The following GRIA4 variants were observed in gnomAD, a reference collection of about 807,000 sequenced individuals.
GRIA4 encodes glutamate ionotropic receptor AMPA type subunit 4.
GRIA4 carries 34 observed loss-of-function variants against 104.0 expected under a neutral mutation model. The observed-to-expected ratio is 0.33, with a 90% CI of 0.25 to 0.44. The LOEUF (loss-of-function observed/expected upper bound fraction) is 0.44. Among genes scored for constraint, GRIA4 ranks in the 20% least tolerant of loss-of-function variants. The pLI is 1.00. For missense variants in GRIA4, 750 were observed against 1,096.5 expected, an observed-to-expected ratio of 0.68 and a Z score of 4.46; for synonymous variants, 386 against 381.9, an observed-to-expected ratio of 1.01 and a Z score of -0.13.
chr11:105,979,839 C>A lies in GRIA4; in HGVS notation c.*100C>A. The A allele has an allele frequency of 1.2e-6, 1 of 836,318 alleles. No individual in the cohort carries two copies. Among genetic ancestry groups the A allele is most frequent in the Non-Finnish European group, 1.9e-6 (1 of 534,494 alleles). 51.8% of individuals were successfully genotyped at this position (836,318 alleles called of 1,614,324 possible). A position where few individuals can be genotyped will look rare whatever the true frequency, so the allele number is the denominator to read the frequency against. ...ACGCGCGGGTCTTTGCTAAACCAATCCTTTGGCTGAGAGCGGGAAGTCCGT... is the reference window on the plus strand; with the variant it reads ...ACGCGCGGGTCTTTGCTAAACCAATACTTTGGCTGAGAGCGGGAAGTCCGT... On this transcript the variant is annotated 3_prime_UTR_variant, in exon 17 of 17. Coordinates refer to ENST00000282499, the MANE Select transcript of GRIA4 (RefSeq NM_000829.4).
chr11:105,931,141 C>A (rs1947861801), intron 13 of GRIA4, among the ~76,000 whole-genome samples: 1 of 151,972 alleles, frequency 6.6e-6, no homozygotes, highest in African/African-American at 2.4e-5. Context: ...ACATGGCATT[C>A]CTAGTGGATT....
chr11:105,675,345 C>A (rs1952503387), intron 3 of GRIA4, among the ~76,000 whole-genome samples: 1 of 151,756 alleles, frequency 6.6e-6, no homozygotes, highest in East Asian at 1.9e-4. Context: ...TGAATTTCAT[C>A]AAAATTTATT....
chr11:105,735,808 A>C (rs569451379), intron 3 of GRIA4, among the ~76,000 whole-genome samples: 60 of 152,192 alleles, frequency 3.9e-4, no homozygotes, highest in Non-Finnish European at 7.3e-4. Flanking sequence ...TCTCCTTGGC[A>C]CTAGAAGGAT....
At chr11:105,742,068 T>C (rs1398259791) in intron 3 of GRIA4, among the ~76,000 whole-genome samples, 1 of 152,188 alleles carries the variant, frequency 6.6e-6, no homozygotes, top group Admixed American at 6.5e-5. Context: ...ATGGGGCGTT[T>C]ATCATGTGGC....
intron 14 of GRIA4, among the ~76,000 whole-genome samples, chr11:105,963,514 G>A (rs2136268263): frequency 1.3e-5 from 2 of 152,150 alleles, no homozygotes; most frequent in African/African-American, 4.8e-5. Flanking sequence ...TTAAAGAAAG[G>A]TAAATTTCAT....
chr11:105,665,134 T>A (rs970559205), intron 3 of GRIA4, among the ~76,000 whole-genome samples: 2 of 152,000 alleles, frequency 1.3e-5, no homozygotes, highest in African/African-American at 4.8e-5. Flanking sequence ...TACACTCTTA[T>A]GAAGAGTTTT....
chr11:105,892,363 A>G (rs1234759003), intron 6 of GRIA4, among the ~76,000 whole-genome samples: 1 of 152,188 alleles, frequency 6.6e-6, no homozygotes, highest in African/African-American at 2.4e-5. Flanking sequence ...TTTAATTTAC[A>G]TCTAGGAGAA....
intron 3 of GRIA4, among the ~76,000 whole-genome samples, chr11:105,683,482 T>A (rs1274405127): frequency 6.6e-6 from 1 of 152,120 alleles, no homozygotes; most frequent in Admixed American, 6.6e-5. Flanking sequence ...AATGCTTTTT[T>A]CAGTGTAAAA....
Position 105,620,841 on chromosome 11 carries a change from A to G in GRIA4, c.247+8407A>G, listed in dbSNP as rs376126243. ...GATTTCAGGATAACTGCAGATATTC[A>G]AAACTATTTTCCAGAATGCTTCATT... On this transcript the variant is annotated intron_variant, in intron 3 of 16. Transcript: ENST00000282499. Among the ~76,000 whole-genome samples the G allele has an allele frequency of 7.2e-5, 11 of 152,028 alleles. No individual in the cohort carries two copies. The East Asian group carries it at 2.1e-3, about 29-fold the overall frequency.
intron 7 of GRIA4, among the ~76,000 whole-genome samples, chr11:105,901,574 G>T (rs1306678251): frequency 6.6e-6 from 1 of 152,086 alleles, no homozygotes; most frequent in Non-Finnish European, 1.5e-5. Context: ...AAGACACATA[G>T]AAAAGAATTA....
chr11:105,826,548 C>T (rs1306922294), intron 4 of GRIA4, among the ~76,000 whole-genome samples: 1 of 152,044 alleles, frequency 6.6e-6, no homozygotes, highest in Non-Finnish European at 1.5e-5. Flanking sequence ...TGATAGATTG[C>T]AGGAGAAGCT....
intron 4 of GRIA4, among the ~76,000 whole-genome samples, chr11:105,834,670 G>A (rs372533458): frequency 6.7e-6 from 1 of 150,318 alleles, no homozygotes; most frequent in African/African-American, 2.4e-5. Flanking sequence ...GTTATTTAAA[G>A]AAGGTTTCAG....
At chr11:105,616,552 TATA>T (rs1950605817) in intron 3 of GRIA4, among the ~76,000 whole-genome samples, 1 of 151,684 alleles carries the variant, frequency 6.6e-6, no homozygotes, top group Admixed American at 6.6e-5. Flanking sequence ...TACTAAATAA[TATA>T]ATATTTTTTT....
At chr11:105,701,532 A>G (rs1169500361) in intron 3 of GRIA4, among the ~76,000 whole-genome samples, 3 of 152,060 alleles carry the variant, frequency 2.0e-5, no homozygotes, top group Non-Finnish European at 4.4e-5. Context: ...ATTGATCAAG[A>G]ATGCAATTCC....
At chr11:105,704,772 C>T (rs371359690) in intron 3 of GRIA4, among the ~76,000 whole-genome samples, 5 of 152,100 alleles carry the variant, frequency 3.3e-5, no homozygotes, top group African/African-American at 4.8e-5. Flanking sequence ...AAAGTAGACT[C>T]GAATAAGTGA....
intron 3 of GRIA4, among the ~76,000 whole-genome samples, chr11:105,733,690 T>A (rs1938746325): frequency 6.6e-6 from 1 of 152,060 alleles, no homozygotes; most frequent in African/African-American, 2.4e-5. Context: ...ACTCCTGACC[T>A]CATGATCCTC....
At chr11:105,881,513 C>A (rs1946057689) in intron 5 of GRIA4, among the ~76,000 whole-genome samples, 1 of 152,170 alleles carries the variant, frequency 6.6e-6, no homozygotes, top group African/African-American at 2.4e-5. Flanking sequence ...CTTATCCCAA[C>A]ATCTTTCACT....
chr11:105,709,218 G>A (rs975090996), intron 3 of GRIA4, among the ~76,000 whole-genome samples: 1 of 152,060 alleles, frequency 6.6e-6, no homozygotes. Context: ...TGGTCATAAT[G>A]TGTTATTACC....
chr11:105,815,293 A>C (rs567059059), intron 4 of GRIA4, among the ~76,000 whole-genome samples: 1 of 152,334 alleles, frequency 6.6e-6, no homozygotes, highest in Non-Finnish European at 1.5e-5. Flanking sequence ...TTCTGGAAGT[A>C]CATTCATCCA....
Sources: gnomAD v4.1 joint callset for allele counts (sites outside exome capture counted in the v4.1 genomes callset) on GRCh38, gnomAD v4.1.1 for gene constraint, MANE v1.5 for transcripts, NCBI Gene and HGNC (gene_info 2026-07-23, HGNC 2026-07-21) for gene names.